Variants in SEPTIN11 observed in about 807,000 individuals in gnomAD.
SEPTIN11 encodes the protein septin-11.
SEPTIN11 carries 25 observed loss-of-function variants against 51.4 expected under a neutral mutation model. That is an observed-to-expected ratio of 0.49 (90% CI 0.35 to 0.68). The LOEUF is 0.68. Among genes scored for constraint, SEPTIN11 ranks in the 30% least tolerant of loss-of-function variants. SEPTIN11 has a pLI of 0.00. For synonymous variants in SEPTIN11, 174 were observed against 184.1 expected (o/e 0.95, Z 0.44); for missense variants, 381 against 520.8 (o/e 0.73, Z 2.61).
chr4:76,989,205 C>T (rs905627048), intron 1 of SEPTIN11, among the ~76,000 whole-genome samples: 4 of 152,004 alleles, frequency 2.6e-5, no homozygotes, highest in East Asian at 1.9e-4. Flanking sequence ...TAATCTGAGG[C>T]GTTGAGAAAA....
chr4:77,023,723 G>A (rs778932453), intron 7 of SEPTIN11, among the ~76,000 whole-genome samples: 9 of 152,060 alleles, frequency 5.9e-5, no homozygotes, highest in Non-Finnish European at 8.8e-5. Flanking sequence ...GAAGAATTTC[G>A]GGCACCCTCA....
At chr4:76,999,625 G>A (rs775401183) in intron 2 of SEPTIN11, among the ~76,000 whole-genome samples, 11 of 152,152 alleles carry the variant, frequency 7.2e-5, no homozygotes, top group Non-Finnish European at 1.0e-4. Context: ...GTTTTGTGGC[G>A]TGAACCTGTA....
chr4:77,008,744 A>G (rs1724662294), intron 3 of SEPTIN11, among the ~76,000 whole-genome samples: 1 of 152,238 alleles, frequency 6.6e-6, no homozygotes, highest in African/African-American at 2.4e-5. Flanking sequence ...GTAACAAGGA[A>G]TATCTCCATG....
Position 77,024,414 on chromosome 4 carries a change from GGACCCAGGCGTCTCCTTCCTCCA to G in SEPTIN11, c.953+3750_953+3772del, listed in dbSNP as rs557759339. On this transcript the variant is annotated intron_variant, in intron 7 of 9. Transcript: ENST00000264893. This position sits in a 1 kb window ranked among gnomAD's most constrained non-coding sequence, Gnocchi z 4.2. Reference sequence around the variant, plus strand: ...CCACCCAGAGCACCCATGCTTCCCTGGACCCAGGCGTCTCCTTCCTCCAGACCCCAGCCCCTTTCTGGCTGGCA... The same window carrying G: ...CCACCCAGAGCACCCATGCTTCCCTGGACCCCAGCCCCTTTCTGGCTGGCA... 3.1e-3 allele frequency among the ~76,000 whole-genome samples: 465 copies of G among 151,860 alleles called. 1 individual carries two copies. Among genetic ancestry groups the G allele is most frequent in the African/African-American group, 0.01 (418 of 41,412 alleles).
intron 1 of SEPTIN11, among the ~76,000 whole-genome samples, chr4:76,950,943 T>C (rs1475404830): frequency 1.3e-5 from 2 of 152,248 alleles, no homozygotes; most frequent in Non-Finnish European, 2.9e-5. Flanking sequence ...TCCACTCGCC[T>C]TACTGGCTTT....
rs1000864163 is a variant in SEPTIN11 at position 77,037,526 on chromosome 4, C to T, written c.*3014C>T. On this transcript the variant is annotated 3_prime_UTR_variant, in exon 10 of 10. Coordinates refer to ENST00000264893, the MANE Select transcript of SEPTIN11 (RefSeq NM_018243.4). The stretch of plus-strand genomic sequence containing the variant: ...AGAGAAAAATTTTTATGCTAGGATG[C>T]CTTTATGACCACTTAATTTTTTAAT... 6 of 985,222 alleles carry T rather than the reference C, an allele frequency of 6.1e-6. No individual in the cohort carries two copies. The highest frequency in any genetic ancestry group is 7.2e-6 in the Non-Finnish European group (6 of 829,832). 61.0% of individuals were successfully genotyped at this position (985,222 alleles called of 1,614,324 possible). A position where few individuals can be genotyped will look rare whatever the true frequency, so the allele number is the denominator to read the frequency against.
At chr4:76,956,026 G>T (rs146712457) in intron 1 of SEPTIN11, among the ~76,000 whole-genome samples, 56 of 152,304 alleles carry the variant, frequency 3.7e-4, no homozygotes, top group African/African-American at 1.1e-3. Flanking sequence ...ATGAAAACAG[G>T]AGAAGAGTCT....
chr4:77,003,129 C>T (rs1190202543), intron 2 of SEPTIN11, among the ~76,000 whole-genome samples: 4 of 152,292 alleles, frequency 2.6e-5, no homozygotes, highest in East Asian at 1.9e-4. Context: ...CATGCCATCA[C>T]GCTGTGTGGG....
At chr4:76,974,503 T>C (rs1185764730) in intron 1 of SEPTIN11, 2 of 227,706 alleles carry the variant, frequency 8.8e-6, no homozygotes, top group Non-Finnish European at 1.8e-5. Context: ...CCCAGGAGAG[T>C]GAGTGACCTG....
At chr4:76,998,674 G>A (rs1191600356) in intron 2 of SEPTIN11, among the ~76,000 whole-genome samples, 4 of 152,176 alleles carry the variant, frequency 2.6e-5, no homozygotes, top group African/African-American at 9.7e-5. Flanking sequence ...GCAGCTGGCT[G>A]CAGGGGTTCA....
In SEPTIN11 at chr4:76,949,973, G is replaced by T. The variant is rs376438249; in HGVS notation, c.27+43G>T. ...GCCTGCTGCTCCTCGGGCGCCGGGT[G>T]GTCTCTGCTCTGGGGCGGGTGCGGT... On this transcript the variant is annotated intron_variant, in intron 1 of 9. Coordinates refer to ENST00000264893, the MANE Select transcript of SEPTIN11 (RefSeq NM_018243.4). 2.6e-3 allele frequency: 3,782 copies of T among 1,430,352 alleles called. 7 individuals carry two copies. Among genetic ancestry groups the T allele is most frequent in the Non-Finnish European group, 3.1e-3 (3,433 of 1,097,194 alleles). 88.6% of individuals were successfully genotyped at this position (1,430,352 alleles called of 1,614,324 possible).
chr4:77,012,423 A>G (rs1470510454), intron 4 of SEPTIN11, among the ~76,000 whole-genome samples: 1 of 152,188 alleles, frequency 6.6e-6, no homozygotes, highest in East Asian at 1.9e-4. Context: ...TCTTTTTCAC[A>G]ACACATGAAG....
Position 77,028,755 on chromosome 4 carries a change from G to A in SEPTIN11, c.1080G>A (p.Glu360=). ...KEKEAELKEA[E]KELHEKFDLL... ...AAGAAGCTGAACTTAAGGAGGCAGA[G>A]AAAGAGGTAAGCCATCTGTCCTGCT... is the stretch of plus-strand genomic sequence containing the variant. Residue 360 remains glutamate, a synonymous_variant, in exon 8 of 10, where the codon GAG becomes GAA. Transcript: ENST00000264893. 6.2e-7 allele frequency: 1 copy of A among 1,611,844 alleles called. No individual in the cohort carries two copies. Among genetic ancestry groups the A allele is most frequent in the Non-Finnish European group, 8.5e-7 (1 of 1,179,336 alleles).
chr4:76,994,683 C>G (rs1230529034), intron 1 of SEPTIN11, among the ~76,000 whole-genome samples: 1 of 152,124 alleles, frequency 6.6e-6, no homozygotes, highest in African/African-American at 2.4e-5. Flanking sequence ...CTGATATGGA[C>G]TTTAGACATT....
chr4:76,990,247 C>G (rs895748128), intron 1 of SEPTIN11, among the ~76,000 whole-genome samples: 4 of 152,082 alleles, frequency 2.6e-5, no homozygotes, highest in African/African-American at 4.8e-5. Flanking sequence ...CTACAGAGTA[C>G]TGATTGGTGT....
chr4:77,032,541 C>T (rs997449324), intron 9 of SEPTIN11, among the ~76,000 whole-genome samples: 2 of 151,982 alleles, frequency 1.3e-5, no homozygotes, highest in African/African-American at 2.4e-5. Context: ...CTAAACTAAC[C>T]AAGGATATAG....
chr4:77,003,519 C>G (rs1724273707), intron 2 of SEPTIN11, among the ~76,000 whole-genome samples: 1 of 152,170 alleles, frequency 6.6e-6, no homozygotes, highest in Non-Finnish European at 1.5e-5. Flanking sequence ...TGGAAAAATA[C>G]TGGCTGAATG....
intron 1 of SEPTIN11, among the ~76,000 whole-genome samples, chr4:76,992,479 C>T (rs1243185942): frequency 6.6e-6 from 1 of 152,170 alleles, no homozygotes; most frequent in Non-Finnish European, 1.5e-5. Flanking sequence ...ATTTCAGCAC[C>T]TTGACTTTAC....
At position 77,035,532 on chromosome 4, in the gene SEPTIN11, T is replaced by A; in HGVS notation, c.*1020T>A. 1.0e-6 allele frequency: 1 copy of A among 985,422 alleles called. No homozygotes were observed. The highest frequency in any genetic ancestry group is 1.2e-6 in the Non-Finnish European group (1 of 829,924). 61.0% of individuals were successfully genotyped at this position (985,422 alleles called of 1,614,324 possible). On this transcript the variant is annotated 3_prime_UTR_variant, in exon 10 of 10. Transcript: ENST00000264893. The stretch of plus-strand genomic sequence containing the variant: ...TAGCACAAATTTGAGCGAGGCCTTG[T>A]CAATTTTAAGGTGGAAATAGGAAGG...
Sources: allele counts gnomAD v4.1 joint callset (sites outside exome capture counted in the v4.1 genomes callset), GRCh38; gene constraint gnomAD v4.1.1; non-coding constraint Gnocchi (gnomAD v3.1); transcripts MANE v1.5; gene names NCBI Gene and HGNC (gene_info 2026-07-23, HGNC 2026-07-21).